The following RARB variants were observed in gnomAD, a reference collection of about 807,000 sequenced individuals.
The protein encoded by RARB is HBV-activated protein.
In RARB, 17 loss-of-function variants were observed where a neutral mutation model predicts 51.9. The observed-to-expected ratio is 0.33, with a 90% CI of 0.22 to 0.49. The LOEUF (loss-of-function observed/expected upper bound fraction) is 0.49. RARB is among the 20% of genes least tolerant of loss of function. The pLI is 0.99. For synonymous variants in RARB, 215 were observed against 195.4 expected (o/e 1.10, Z -0.84); for missense variants, 369 against 550.8 (o/e 0.67, Z 3.30).
intron 5 of RARB, among the ~76,000 whole-genome samples, chr3:25,256,833 G>A (rs776645648): frequency 4.0e-5 from 6 of 151,236 alleles, no homozygotes; most frequent in Non-Finnish European, 8.9e-5. Context: ...ATCCAAGAAT[G>A]TGAAGATAAG....
chr3:25,572,501 C>T (rs1181754393), intron 4 of RARB, among the ~76,000 whole-genome samples: 1 of 152,056 alleles, frequency 6.6e-6, no homozygotes, highest in African/African-American at 2.4e-5. Flanking sequence ...AACAAGTGGT[C>T]AGAGGTGAGA....
intron 2 of RARB, among the ~76,000 whole-genome samples, chr3:25,056,023 C>T (rs1016097420): frequency 4.6e-5 from 7 of 152,062 alleles, no homozygotes; most frequent in African/African-American, 1.7e-4. Flanking sequence ...CCAATCTGTC[C>T]CAACAGTAAA....
intron 2 of RARB, among the ~76,000 whole-genome samples, chr3:24,880,842 G>A (rs991816765): frequency 6.6e-6 from 1 of 152,164 alleles, no homozygotes; most frequent in African/African-American, 2.4e-5. Flanking sequence ...TTGTGTTACT[G>A]TGAACTTATG....
At chr3:25,312,631 C>T (rs1704317439) in intron 5 of RARB, among the ~76,000 whole-genome samples, 1 of 152,166 alleles carries the variant, frequency 6.6e-6, no homozygotes, top group South Asian at 2.1e-4. Context: ...AATGCAGCAG[C>T]AGATGAGCTT....
chr3:24,933,391 G>A (rs9878781), intron 2 of RARB, among the ~76,000 whole-genome samples: 67,341 of 151,794 alleles, frequency 0.44, 15,412 homozygotes, highest in East Asian at 0.53. Flanking sequence ...AATTTCCATA[G>A]GTGCAGTTTT....
chr3:25,239,806 A>T (rs1386622713), intron 5 of RARB, among the ~76,000 whole-genome samples: 2 of 151,792 alleles, frequency 1.3e-5, no homozygotes, highest in Admixed American at 6.6e-5. Context: ...TTCCATACAA[A>T]TTTTTTCTAT....
intron 3 of RARB, among the ~76,000 whole-genome samples, chr3:25,103,539 G>C (rs1699443570): frequency 6.6e-6 from 1 of 152,184 alleles, no homozygotes; most frequent in Admixed American, 6.5e-5. Flanking sequence ...ACTAATTCAA[G>C]AACAGATGGA....
chr3:24,866,676 A>G (rs1384878855), intron 2 of RARB, among the ~76,000 whole-genome samples: 1 of 152,182 alleles, frequency 6.6e-6, no homozygotes. Context: ...TTCCAAATGC[A>G]AGTATTCTTT....
In RARB at chr3:25,596,752, C is replaced by T. The variant is rs577416577; in HGVS notation, c.*136C>T. 1.4e-3 allele frequency: 1,045 copies of T among 741,512 alleles called. 20 individuals carry two copies. The South Asian group carries it at 0.022, about 16-fold the overall frequency. The allele number at this position is 741,512 out of a possible 1,614,324, so 45.9% of individuals were successfully genotyped here. A position where few individuals can be genotyped will look rare whatever the true frequency, so the allele number is the denominator to read the frequency against. On this transcript the variant is annotated 3_prime_UTR_variant, in exon 8 of 8. Coordinates refer to ENST00000330688, the MANE Select transcript of RARB (RefSeq NM_000965.5). ...AACTCAAGAAGGACCAAGAAGTTTT[C>T]ATATGTATCAATATATATACTCCTC...
chr3:25,110,160 G>A (rs1328792179), intron 3 of RARB, among the ~76,000 whole-genome samples: 1 of 152,284 alleles, frequency 6.6e-6, no homozygotes, highest in East Asian at 1.9e-4. Flanking sequence ...CTACAAATGG[G>A]ATATGGGAAT....
intron 4 of RARB, among the ~76,000 whole-genome samples, chr3:25,172,815 A>C (rs890080902): frequency 1.2e-4 from 18 of 152,218 alleles, no homozygotes; most frequent in African/African-American, 4.3e-4. Flanking sequence ...ACTATATACC[A>C]GGCACTGTTT....
At chr3:25,550,571 G>A (rs1010689037) in intron 3 of RARB, among the ~76,000 whole-genome samples, 3 of 152,024 alleles carry the variant, frequency 2.0e-5, no homozygotes, top group East Asian at 1.9e-4. Flanking sequence ...CAAAGGCCTC[G>A]CCTTTGAATA....
chr3:24,853,333 T>A (rs1181445761), intron 1 of RARB, among the ~76,000 whole-genome samples: 1 of 152,066 alleles, frequency 6.6e-6, no homozygotes, highest in Non-Finnish European at 1.5e-5. Context: ...ATAATAATAA[T>A]AAAATAATGA....
At chr3:25,563,835 G>A (rs1700369917) in intron 3 of RARB, among the ~76,000 whole-genome samples, 1 of 151,972 alleles carries the variant, frequency 6.6e-6, no homozygotes, top group Non-Finnish European at 1.5e-5. Flanking sequence ...GAGTCAAGAT[G>A]AACAAATTCC....
chr3:25,054,600 T>C (rs1698400598), intron 2 of RARB, among the ~76,000 whole-genome samples: 1 of 152,148 alleles, frequency 6.6e-6, no homozygotes, highest in Non-Finnish European at 1.5e-5. Flanking sequence ...TATATAAATA[T>C]TTCCTAGCAC....
rs547221437 is a variant in RARB at position 25,533,677 on chromosome 3, C to T, written c.448+32354C>T. 2.8e-4 allele frequency among the ~76,000 whole-genome samples: 42 copies of T among 152,200 alleles called. No individual in the cohort carries two copies. In the South Asian group the frequency reaches 3.1e-3, roughly 11 times the overall value. ...CCAGTCATTGGCAGAAATCATAAAA[C>T]GATCCCATAGAGGGAGCAAAAAGAA... On this transcript the variant is annotated intron_variant, in intron 3 of 7. Transcript: ENST00000330688.
intron 2 of RARB, among the ~76,000 whole-genome samples, chr3:24,971,792 T>C (rs1696403760): frequency 6.6e-6 from 1 of 152,002 alleles, no homozygotes; most frequent in Admixed American, 6.6e-5. Flanking sequence ...TTTTATCCTA[T>C]AATCCTTCTA....
intron 5 of RARB, among the ~76,000 whole-genome samples, chr3:25,250,899 G>A (rs140729545): frequency 2.6e-5 from 4 of 152,290 alleles, no homozygotes; most frequent in South Asian, 4.1e-4. Context: ...GGAATCTGTA[G>A]CAATTGGGTG....
intron 1 of RARB, among the ~76,000 whole-genome samples, chr3:25,455,372 A>G (rs955498713): frequency 5.9e-5 from 9 of 152,206 alleles, no homozygotes; most frequent in African/African-American, 2.2e-4. Flanking sequence ...TCTGAAAAGC[A>G]CGAATTTAAA....
Sources: allele counts gnomAD v4.1 joint callset (sites outside exome capture counted in the v4.1 genomes callset), GRCh38; gene constraint gnomAD v4.1.1; transcripts MANE v1.5; gene names NCBI Gene and HGNC (gene_info 2026-07-23, HGNC 2026-07-21).